The following SLC1A2 variants were observed in gnomAD, a reference collection of about 807,000 sequenced individuals.
SLC1A2 encodes the protein solute carrier family 1 member 2.
In SLC1A2, 15 loss-of-function variants were observed where a neutral mutation model predicts 48.8. That is an observed-to-expected ratio of 0.31 (90% CI 0.21 to 0.47). SLC1A2 has a LOEUF of 0.47. Ranked by LOEUF, SLC1A2 falls within the 20% of genes least tolerant of loss-of-function variation. The pLI is 0.99. For missense variants in SLC1A2, 502 were observed against 730.5 expected (o/e 0.69, Z 3.61); for synonymous variants, 279 against 272.6 (o/e 1.02, Z -0.23).
At chr11:35,396,706 C>G (rs1422232117) in intron 1 of SLC1A2, among the ~76,000 whole-genome samples, 1 of 152,110 alleles carries the variant, frequency 6.6e-6, no homozygotes, top group Non-Finnish European at 1.5e-5. Context: ...TCAATTTTTT[C>G]TTTTGTTGCC....
chr11:35,389,568 T>G (rs990970685), intron 1 of SLC1A2, among the ~76,000 whole-genome samples: 7 of 152,070 alleles, frequency 4.6e-5, no homozygotes, highest in African/African-American at 1.7e-4. Flanking sequence ...CCTCCCGGGT[T>G]CAAGCGATTC....
At chr11:35,296,455 A>G (rs866555866) in intron 6 of SLC1A2, among the ~76,000 whole-genome samples, 1 of 152,170 alleles carries the variant, frequency 6.6e-6, no homozygotes, top group Non-Finnish European at 1.5e-5. Context: ...CCATTTGTGG[A>G]TTAGAACTTT....
rs1950263738 is a variant in SLC1A2 at position 35,253,073 on chromosome 11, G to A, written c.*7821C>T. 6.6e-6 allele frequency: 1 copy of A among 152,132 alleles called. No individual in the cohort carries two copies. Among genetic ancestry groups the A allele is most frequent in the African/African-American group, 2.4e-5 (1 of 41,432 alleles). 9.4% of individuals were successfully genotyped at this position (152,132 alleles called of 1,614,324 possible). The stretch of plus-strand genomic sequence containing the variant: ...CCTACCACCATCTCAGAAAGTATTT[G>A]GTGGAAGGAAGACACCTCGTCTCTG... On this transcript the variant is annotated 3_prime_UTR_variant, in exon 11 of 11. Transcript: ENST00000278379.
rs1343046657 is a variant in SLC1A2, at chr11:35,251,464, T to C, written c.*9430A>G. 1.3e-5 allele frequency: 2 copies of C among 152,608 alleles called. No homozygotes were observed. Among genetic ancestry groups the C allele is most frequent in the African/African-American group, 4.8e-5 (2 of 41,448 alleles). The allele number at this position is 152,608 out of a possible 1,614,324, so 9.5% of individuals were successfully genotyped here. A position where few individuals can be genotyped will look rare whatever the true frequency, so the allele number is the denominator to read the frequency against. ...ATATGAGAAACAATTCAAAAATTAGTTGAAGATTTTATCTTTTTGCATTCA... is the reference window on the plus strand; with the variant it reads ...ATATGAGAAACAATTCAAAAATTAGCTGAAGATTTTATCTTTTTGCATTCA... On this transcript the variant is annotated 3_prime_UTR_variant, in exon 11 of 11. Transcript: ENST00000278379.
chr11:35,270,051 G>A (rs1850235953), intron 9 of SLC1A2, among the ~76,000 whole-genome samples: 1 of 152,180 alleles, frequency 6.6e-6, no homozygotes, highest in Non-Finnish European at 1.5e-5. Context: ...AGGCTGCAGT[G>A]AGTCAAGATT....
At chr11:35,264,411 G>A (rs948535989) in intron 10 of SLC1A2, among the ~76,000 whole-genome samples, 1 of 152,234 alleles carries the variant, frequency 6.6e-6, no homozygotes, top group Non-Finnish European at 1.5e-5. Context: ...GCTGGGTTCA[G>A]CTTGTCCTCA....
intron 9 of SLC1A2, among the ~76,000 whole-genome samples, chr11:35,272,747 C>G (rs912325064): frequency 6.6e-6 from 1 of 152,230 alleles, no homozygotes; most frequent in Non-Finnish European, 1.5e-5. Flanking sequence ...TGGGTCTGGA[C>G]GCTGTGTGTC....
At chr11:35,313,827 C>T (rs913858766) in intron 3 of SLC1A2, among the ~76,000 whole-genome samples, 1 of 152,162 alleles carries the variant, frequency 6.6e-6, no homozygotes, top group East Asian at 1.9e-4. Context: ...TCCAGCATTT[C>T]AGGTACTGGG....
chr11:35,407,785 C>T (rs1310223525), intron 1 of SLC1A2, among the ~76,000 whole-genome samples: 1 of 152,194 alleles, frequency 6.6e-6, no homozygotes, highest in Non-Finnish European at 1.5e-5. Context: ...CTTCTCAGCA[C>T]CCTGCACCCC....
chr11:35,348,073 C>T (rs375436023), intron 1 of SLC1A2, among the ~76,000 whole-genome samples: 71 of 152,316 alleles, frequency 4.7e-4, no homozygotes, highest in African/African-American at 1.4e-3. Flanking sequence ...CTTTCTTATT[C>T]ATGGAAAGTG....
At chr11:35,385,738 A>G (rs1854566984) in intron 1 of SLC1A2, among the ~76,000 whole-genome samples, 1 of 152,132 alleles carries the variant, frequency 6.6e-6, no homozygotes, top group African/African-American at 2.4e-5. Flanking sequence ...TTATATCATC[A>G]TATATTATTA....
intron 1 of SLC1A2, among the ~76,000 whole-genome samples, chr11:35,345,952 A>G (rs1853014969): frequency 6.6e-6 from 1 of 152,202 alleles, no homozygotes; most frequent in African/African-American, 2.4e-5. Flanking sequence ...TTTAAGACCC[A>G]TTTTGCAGGT....
intron 1 of SLC1A2, among the ~76,000 whole-genome samples, chr11:35,352,871 T>G (rs1853313672): frequency 6.6e-6 from 1 of 152,082 alleles, no homozygotes; most frequent in African/African-American, 2.4e-5. Context: ...AAGCAAGAGA[T>G]CCTATCAATG....
At chr11:35,310,300 T>G (rs1209284344) in intron 4 of SLC1A2, among the ~76,000 whole-genome samples, 1 of 152,180 alleles carries the variant, frequency 6.6e-6, no homozygotes, top group Non-Finnish European at 1.5e-5. Context: ...TCCAAAATGT[T>G]AAGAATGGAT....
chr11:35,340,631 G>A (rs576922748), intron 1 of SLC1A2, among the ~76,000 whole-genome samples: 9 of 152,302 alleles, frequency 5.9e-5, no homozygotes, highest in East Asian at 5.8e-4. Flanking sequence ...AGATTGTAGC[G>A]TAAATTAGAT....
At chr11:35,412,273 C>CAT (rs1246651637) in intron 1 of SLC1A2, among the ~76,000 whole-genome samples, 3 of 152,060 alleles carry the variant, frequency 2.0e-5, no homozygotes, top group African/African-American at 7.2e-5. Context: ...GAAATGAAGT[C>CAT]ATATATATAT....
intron 1 of SLC1A2, among the ~76,000 whole-genome samples, chr11:35,337,504 C>G (rs1045671424): frequency 2.6e-5 from 4 of 151,990 alleles, no homozygotes; most frequent in Non-Finnish European, 5.9e-5. Context: ...GGAATATTAC[C>G]AACAGTATCA....
intron 1 of SLC1A2, among the ~76,000 whole-genome samples, chr11:35,376,192 TAA>T (rs77459883): frequency 1.8e-4 from 26 of 144,686 alleles, no homozygotes; most frequent in Admixed American, 5.5e-4. Context: ...GGTATTCTAT[TAA>T]AAAAAAAAAA....
At chr11:35,391,550 C>T (rs999113652) in intron 1 of SLC1A2, 5 of 152,230 alleles carry the variant, frequency 3.3e-5, no homozygotes, top group African/African-American at 4.8e-5. Flanking sequence ...CTAGGTACAG[C>T]GCTGAATTCT....
Sources: gnomAD v4.1 joint callset for allele counts (sites outside exome capture counted in the v4.1 genomes callset) on GRCh38, gnomAD v4.1.1 for gene constraint, MANE v1.5 for transcripts, NCBI Gene and HGNC (gene_info 2026-07-23, HGNC 2026-07-21) for gene names.